The following PML variants were observed in gnomAD, a reference collection of about 807,000 sequenced individuals.
The protein encoded by PML is protein PML.
PML carries 28 observed loss-of-function variants against 65.2 expected under a neutral mutation model. The observed-to-expected ratio is 0.43, with a 90% CI of 0.32 to 0.59. The LOEUF (loss-of-function observed/expected upper bound fraction) is 0.59. Among genes scored for constraint, PML ranks in the 20% least tolerant of loss-of-function variants. The pLI is 0.08. For missense variants in PML, 1,021 were observed against 1,203.4 expected (o/e 0.85, Z 2.24); for synonymous variants, 500 against 508.8 (o/e 0.98, Z 0.23).
In PML at chr15:74,044,381, G is replaced by A; in HGVS notation, c.2022G>A (p.Leu674=). Residue 674 remains leucine (L), a synonymous_variant, in exon 9 of 9, where the codon TTG becomes TTA. Transcript: ENST00000268058. ...SFLSSMRRPI[L]ACYKLWGPGL... is the part of the protein sequence containing the mutation. ...TGAGCTCCATGCGCCGCCCTATCTTGGCCTGCTACAAGCTGTGGGGGCCTG... is the reference window on the plus strand; with the variant it reads ...TGAGCTCCATGCGCCGCCCTATCTTAGCCTGCTACAAGCTGTGGGGGCCTG... The A allele has an allele frequency of 6.2e-7, 1 of 1,614,202 alleles. No homozygotes were observed. Among genetic ancestry groups the A allele is most frequent in the Non-Finnish European group, 8.5e-7 (1 of 1,180,036 alleles).
chr15:74,004,996 G>A (rs1373486669), intron 2 of PML, among the ~76,000 whole-genome samples: 1 of 152,128 alleles, frequency 6.6e-6, no homozygotes, highest in East Asian at 1.9e-4. Flanking sequence ...ATAGGCGTGA[G>A]CCACTGTGCC....
chr15:74,025,225 G>A, intron 4 of PML: 1 of 454,394 alleles, frequency 2.2e-6, no homozygotes, highest in Non-Finnish European at 4.1e-6. Context: ...TGCTGCAGAG[G>A]GAATTCCAGC....
chr15:74,004,293 G>A (rs2069928601), intron 2 of PML, among the ~76,000 whole-genome samples: 1 of 151,628 alleles, frequency 6.6e-6, no homozygotes, highest in African/African-American at 2.4e-5. Context: ...TAGTTGGATG[G>A]TTTTCATTTG....
chr15:74,012,930 G>A (rs1595890779), intron 2 of PML, among the ~76,000 whole-genome samples: 1 of 151,926 alleles, frequency 6.6e-6, no homozygotes, highest in Non-Finnish European at 1.5e-5. Context: ...ATCTCGGCTG[G>A]GTATAATATT....
intron 1 of PML, 86 bp from the exon 2 acceptor site, chr15:73,997,918 C>G: frequency 8.6e-7 from 1 of 1,160,310 alleles, no homozygotes; most frequent in Non-Finnish European, 1.3e-6. Context: ...AGGTCCTACT[C>G]CAGGGTCCAG....
chr15:74,041,000 C>T (rs2071684465), intron 7 of PML, among the ~76,000 whole-genome samples: 1 of 152,172 alleles, frequency 6.6e-6, no homozygotes, highest in Non-Finnish European at 1.5e-5. Flanking sequence ...TGTGGCTCTC[C>T]AGGGAGCTCT....
chr15:74,032,374 A>G (rs2071359714), intron 4 of PML, 198 bp from the exon 5 acceptor site: 3 of 619,752 alleles, frequency 4.8e-6, no homozygotes, highest in Non-Finnish European at 8.6e-6. Flanking sequence ...TCTACAAAAA[A>G]ATTTTTTTAA....
intron 2 of PML, among the ~76,000 whole-genome samples, chr15:74,000,750 G>T (rs796528812): frequency 5.3e-5 from 8 of 151,950 alleles, no homozygotes; most frequent in African/African-American, 1.9e-4. Context: ...TTTTTCGCCT[G>T]AATATTTTTG....
intron 2 of PML, among the ~76,000 whole-genome samples, chr15:74,002,489 G>GTTGGA (rs1300309345): frequency 1.4e-5 from 2 of 141,428 alleles, no homozygotes; most frequent in South Asian, 2.3e-4. Context: ...TGTCATCCAG[G>GTTGGA]TTGGAGTGCA....
rs750484230 is a variant in PML, at chr15:74,034,538, G to T, written c.1710+8G>T. The T allele has an allele frequency of 6.2e-7, 1 of 1,614,128 alleles. No individual in the cohort carries two copies. The highest frequency in any genetic ancestry group is 8.5e-7 in the Non-Finnish European group (1 of 1,180,014). On this transcript the variant is annotated splice_region_variant and intron_variant, in intron 7 of 8. Coordinates refer to ENST00000268058, the MANE Select transcript of PML (RefSeq NM_033238.3). ...TCAGATGCCGAAAACTCGGTGAGTG[G>T]CCCAGAAGTTCAGCCCAGGACTCCT... is the stretch of plus-strand genomic sequence containing the variant.
rs759349668 is a variant in PML, at chr15:73,998,446, A to G, written c.572A>G (p.Asn191Ser). 1 of 1,613,914 alleles carries G rather than the reference A, an allele frequency of 6.2e-7. No individual in the cohort carries two copies. Among genetic ancestry groups the G allele is most frequent in the Admixed American group, 1.7e-5 (1 of 60,004 alleles). ...AAGACCAACAACATCTTCTGCTCCA[A>G]CCCCAACCACCGCACCCCTACGCTG... is the stretch of plus-strand genomic sequence containing the variant. The part of the protein sequence containing the change: ...TRKTNNIFCS[N>S]PNHRTPTLTS... The change falls in exon 2 of 9, where the codon AAC becomes AGC. Residue 191 changes from asparagine to serine, a missense_variant. Asn to Ser is a conservative substitution (Grantham distance 46). Transcript: ENST00000268058.
rs2071771552 is a variant in PML at position 74,046,400 on chromosome 15, G to C, written c.*1392G>C. The C allele has an allele frequency of 8.6e-6, 2 of 232,962 alleles. No homozygotes were observed. Among genetic ancestry groups the C allele is most frequent in the Non-Finnish European group, 8.5e-6 (1 of 117,972 alleles). 14.4% of individuals were successfully genotyped at this position (232,962 alleles called of 1,614,324 possible). ...CCTGGGATGCTTCCCAAGCAGCCCA[G>C]GCCTCTAGCCTCCATGGCTGATGAC... On this transcript the variant is annotated 3_prime_UTR_variant, in exon 9 of 9. Coordinates refer to ENST00000268058, the MANE Select transcript of PML (RefSeq NM_033238.3).
intron 7 of PML, chr15:74,036,021 C>T: frequency 6.2e-7 from 1 of 1,614,140 alleles, no homozygotes; most frequent in Non-Finnish European, 8.5e-7. Context: ...CTCCTCCAGC[C>T]CATGCTCTTA....
Position 73,998,206 on chromosome 15 carries a change from G to C in PML, c.332G>C (p.Ser111Thr). The C allele has an allele frequency of 6.2e-7, 1 of 1,614,246 alleles. No homozygotes were observed. Among genetic ancestry groups the C allele is most frequent in the Non-Finnish European group, 8.5e-7 (1 of 1,180,034 alleles). The change falls in exon 2 of 9, where the codon AGT (serine) becomes ACT (threonine). Residue 111 changes from serine to threonine, a missense_variant. Physicochemically the swap from Ser to Thr is moderately conservative, Grantham distance 58. Transcript: ENST00000268058. ...GCCCTGGATAACGTCTTTTTCGAGA[G>C]TCTGCAGCGGCGCCTGTCGGTGTAC... The part of the protein sequence containing the change: ...TPALDNVFFE[S>T]LQRRLSVYRQ...
chr15:74,030,279 T>G (rs1211361296), intron 4 of PML, among the ~76,000 whole-genome samples: 2 of 151,914 alleles, frequency 1.3e-5, no homozygotes, highest in Non-Finnish European at 2.9e-5. Flanking sequence ...AGAAAGATGG[T>G]GGGGAGGGAC....
chr15:73,997,102 T>C (rs1203741880), intron 1 of PML, among the ~76,000 whole-genome samples: 2 of 152,224 alleles, frequency 1.3e-5, no homozygotes, highest in African/African-American at 4.8e-5. Context: ...AGGTTTCCCA[T>C]TGGCCACTTG....
rs1567136017 is a variant in PML at position 74,033,407 on chromosome 15, G to GGAGGCAGGTAGGGAGGTGGGT, written c.1651_1657+14dup. ...GCAACCACGTGGCCAGTGGCGCCGG[G>GGAGGCAGGTAGGGAGGTGGGT]GAGGCAGGTAGGGAGGTGGGTAGGG... On this transcript the variant is annotated inframe_insertion, in exon 6 of 9. Transcript: ENST00000268058. 2 of 1,612,162 alleles carry GGAGGCAGGTAGGGAGGTGGGT rather than the reference G, an allele frequency of 1.2e-6. No homozygotes were observed. The highest frequency in any genetic ancestry group is 1.7e-6 in the Non-Finnish European group (2 of 1,178,720).
intron 2 of PML, among the ~76,000 whole-genome samples, chr15:74,006,390 C>CAAAAAAAAAAAAAAA (rs372202858): frequency 9.1e-5 from 8 of 87,444 alleles, no homozygotes; most frequent in East Asian, 3.3e-4. Flanking sequence ...GACTCCGTCT[C>CAAAAAAAAAAAAAAA]AAAAAAAAAA....
At chr15:74,018,489 G>C (rs112452902) in intron 2 of PML, among the ~76,000 whole-genome samples, 2 of 151,848 alleles carry the variant, frequency 1.3e-5, no homozygotes, top group South Asian at 2.1e-4. Flanking sequence ...CATTTTCTAG[G>C]TATTTTGTAC....
Sources: gnomAD v4.1 joint callset for allele counts (sites outside exome capture counted in the v4.1 genomes callset) on GRCh38, gnomAD v4.1.1 for gene constraint, MANE v1.5 for transcripts, NCBI Gene and HGNC (gene_info 2026-07-23, HGNC 2026-07-21) for gene names.